The following CHKA variants were observed in gnomAD, a reference collection of about 807,000 sequenced individuals.
The protein encoded by CHKA is choline kinase alpha.
In CHKA, 34 loss-of-function variants were observed where a neutral mutation model predicts 60.1. The observed-to-expected ratio is 0.57, with a 90% CI of 0.43 to 0.75. The LOEUF (loss-of-function observed/expected upper bound fraction) is 0.75. CHKA is among the 30% of genes least tolerant of loss of function. CHKA has a pLI of 0.00. For missense variants in CHKA, 563 were observed against 561.3 expected, an observed-to-expected ratio of 1.00 and a Z score of -0.03; for synonymous variants, 217 against 223.1, an observed-to-expected ratio of 0.97 and a Z score of 0.24.
chr11:68,095,728 A>AAAC lies in CHKA; in HGVS notation c.462+1290_462+1291insGTT, dbSNP rs1857489015. ...CGTCGCAAAAAAAAAAAAAAAAAAA[A>AAAC]AAAAAACAACAGGTATCAAAATCCT... On this transcript the variant is annotated intron_variant, in intron 2 of 11. Coordinates refer to ENST00000265689, the MANE Select transcript of CHKA (RefSeq NM_001277.3). 4.9e-5 allele frequency among the ~76,000 whole-genome samples: 7 copies of AAAC among 144,106 alleles called. No individual in the cohort carries two copies. In the South Asian group the frequency reaches 9.1e-4, roughly 19 times the overall value. The allele number at this position is 144,106 out of a possible 152,430, so 94.5% of individuals were successfully genotyped here.
At chr11:68,116,326 T>C (rs2153032813) in intron 1 of CHKA, among the ~76,000 whole-genome samples, 1 of 152,212 alleles carries the variant, frequency 6.6e-6, no homozygotes, top group South Asian at 2.1e-4. Context: ...TAATCCCTGC[T>C]CTTTGGGCGG....
chr11:68,052,870 T>G lies in CHKA; in HGVS notation c.*1118A>C, dbSNP rs1855844973. 6.6e-6 allele frequency: 1 copy of G among 152,236 alleles called. No homozygotes were observed. The highest frequency in any genetic ancestry group is 2.1e-4 in the South Asian group (1 of 4,820). The allele number at this position is 152,236 out of a possible 1,614,324, so 9.4% of individuals were successfully genotyped here. A position where few individuals can be genotyped will look rare whatever the true frequency, so the allele number is the denominator to read the frequency against. ...GTGACAGCTTGAGGTTGGGTTTTTA[T>G]TTTTTTATTTGTATAGTACAATCTC... On this transcript the variant is annotated 3_prime_UTR_variant, in exon 12 of 12. Transcript: ENST00000265689.
chr11:68,060,254 G>C (rs1344398278), intron 11 of CHKA, among the ~76,000 whole-genome samples: 1 of 151,428 alleles, frequency 6.6e-6, no homozygotes, highest in Non-Finnish European at 1.5e-5. Context: ...GGATGGTCTC[G>C]ATCTCCTGAC....
At chr11:68,094,173 C>T (rs1357302215) in intron 2 of CHKA, among the ~76,000 whole-genome samples, 2 of 152,110 alleles carry the variant, frequency 1.3e-5, no homozygotes, top group Non-Finnish European at 2.9e-5. Context: ...TGTATAAATG[C>T]AAAACACAAA....
chr11:68,094,402 G>A lies in CHKA; in HGVS notation c.462+2617C>T, dbSNP rs140121201. ...ACAAAAAATACAAAATTAGCTGGGC[G>A]TGGTGGCTCACTCCTGTAGTCCCAG... On this transcript the variant is annotated intron_variant, in intron 2 of 11. Coordinates refer to ENST00000265689, the MANE Select transcript of CHKA (RefSeq NM_001277.3). Among the ~76,000 whole-genome samples, 960 of 152,202 alleles carry A rather than the reference G, an allele frequency of 6.3e-3. 7 individuals carry two copies. Among genetic ancestry groups the A allele is most frequent in the African/African-American group, 0.022 (909 of 41,514 alleles).
At chr11:68,071,176 T>A (rs1376488057) in intron 4 of CHKA, among the ~76,000 whole-genome samples, 1 of 152,252 alleles carries the variant, frequency 6.6e-6, no homozygotes, top group East Asian at 1.9e-4. Context: ...CCACACTGAA[T>A]GTCTATTCAC....
chr11:68,055,070 T>G (rs1339195220), intron 11 of CHKA, among the ~76,000 whole-genome samples: 1 of 152,196 alleles, frequency 6.6e-6, no homozygotes, highest in Non-Finnish European at 1.5e-5. Flanking sequence ...GACTGGCATT[T>G]AGGCTGCTTC....
At chr11:68,081,213 G>A (rs1856976962) in intron 3 of CHKA, among the ~76,000 whole-genome samples, 191 bp downstream of exon 3, 1 of 152,198 alleles carries the variant, frequency 6.6e-6, no homozygotes, top group Non-Finnish European at 1.5e-5. Flanking sequence ...CAGGAGGAAT[G>A]AGGAATACCC....
chr11:68,110,998 A>AC (rs1491108076), intron 1 of CHKA, among the ~76,000 whole-genome samples: 1 of 140,886 alleles, frequency 7.1e-6, no homozygotes, highest in Non-Finnish European at 1.5e-5. Flanking sequence ...ACTCCATCTC[A>AC]AAAAAAAAAA....
chr11:68,089,612 T>C (rs1287914712), intron 2 of CHKA, among the ~76,000 whole-genome samples: 1 of 152,146 alleles, frequency 6.6e-6, no homozygotes, highest in Non-Finnish European at 1.5e-5. Context: ...CTGATTTGCT[T>C]TGGACAAAAA....
intron 11 of CHKA, 137 bp downstream of exon 11, chr11:68,061,816 C>G (rs992863665): frequency 4.2e-6 from 3 of 707,324 alleles, no homozygotes; most frequent in Admixed American, 2.1e-5. Context: ...GCCACCAGGT[C>G]ACCACATTCG....
intron 1 of CHKA, among the ~76,000 whole-genome samples, chr11:68,097,401 G>A (rs963111741): frequency 2.0e-5 from 3 of 151,950 alleles, no homozygotes; most frequent in African/African-American, 7.3e-5. Context: ...TTGGGAGGCC[G>A]AGGCGGGTGG....
At chr11:68,084,539 AG>A (rs1418153201) in intron 2 of CHKA, among the ~76,000 whole-genome samples, 3 of 150,738 alleles carry the variant, frequency 2.0e-5, no homozygotes, top group Non-Finnish European at 4.4e-5. Flanking sequence ...ATAAATATTT[AG>A]TATGACATCC....
intron 2 of CHKA, among the ~76,000 whole-genome samples, chr11:68,085,180 G>A (rs1188192863): frequency 6.6e-6 from 1 of 152,020 alleles, no homozygotes; most frequent in Non-Finnish European, 1.5e-5. Flanking sequence ...CATTAATAAA[G>A]GAGGCATACT....
In CHKA at chr11:68,070,183, A is replaced by G. The variant is rs746957659; in HGVS notation, c.869+6T>C. On this transcript the variant is annotated splice_donor_region_variant and intron_variant, in intron 6 of 11. Transcript: ENST00000265689. ...TTTAAAGTCAGGAAATAGAAGGAAA[A>G]CTCACCTCAGGTTTTCCAGTTCCAA... The G allele has an allele frequency of 1.9e-6, 3 of 1,598,898 alleles. No homozygotes were observed. The highest frequency in any genetic ancestry group is 4.5e-5 in the East Asian group (2 of 44,798).
At chr11:68,069,614 G>A (rs1424697941) in intron 6 of CHKA, among the ~76,000 whole-genome samples, 2 of 151,914 alleles carry the variant, frequency 1.3e-5, no homozygotes, top group African/African-American at 2.4e-5. Flanking sequence ...AACCCAGGAG[G>A]GTGAAGCTGC....
At chr11:68,097,549 T>C (rs1162314709) in intron 1 of CHKA, among the ~76,000 whole-genome samples, 1 of 145,316 alleles carries the variant, frequency 6.9e-6, no homozygotes, top group Admixed American at 7.3e-5. Flanking sequence ...GGCAGGAGAA[T>C]GGCATGAACC....
intron 3 of CHKA, among the ~76,000 whole-genome samples, chr11:68,077,286 A>G (rs1856823785): frequency 6.6e-6 from 1 of 152,134 alleles, no homozygotes; most frequent in African/African-American, 2.4e-5. Context: ...AGCAAGAAAA[A>G]TGACAGGTTA....
Position 68,053,891 on chromosome 11 carries a change from T to TCCTG in CHKA, c.*93_*96dup. 1.0e-6 allele frequency: 1 copy of TCCTG among 985,240 alleles called. No individual in the cohort carries two copies. Among genetic ancestry groups the TCCTG allele is most frequent in the South Asian group, 1.4e-5 (1 of 72,280 alleles). 61.0% of individuals were successfully genotyped at this position (985,240 alleles called of 1,614,324 possible). On this transcript the variant is annotated 3_prime_UTR_variant, in exon 12 of 12. Coordinates refer to ENST00000265689, the MANE Select transcript of CHKA (RefSeq NM_001277.3). ...GTTCAGTAGTGAGCCACCCAAAGCC[T>TCCTG]CCTGCCACAGGAGCAGTAGTCGAAG...
Sources: allele counts gnomAD v4.1 joint callset (sites outside exome capture counted in the v4.1 genomes callset), GRCh38; gene constraint gnomAD v4.1.1; transcripts MANE v1.5; gene names NCBI Gene and HGNC (gene_info 2026-07-23, HGNC 2026-07-21).